ZNF385D: variants seen among roughly 807,000 people sequenced by gnomAD.
ZNF385D encodes the protein zinc finger protein 385D, also known as zinc finger protein 659.
ZNF385D carries 15 observed loss-of-function variants against 35.8 expected under a neutral mutation model. The ratio of observed to expected loss-of-function variants is 0.42; its 90% CI spans 0.28 to 0.64. The LOEUF is 0.64. Ranked by LOEUF, ZNF385D falls within the 30% of genes least tolerant of loss-of-function variation. The pLI is 0.23. For synonymous variants in ZNF385D, 212 were observed against 186.8 expected (o/e 1.13, Z -1.10); for missense variants, 474 against 494.6 (o/e 0.96, Z 0.39).
intron 4 of ZNF385D, among the ~76,000 whole-genome samples, chr3:21,508,193 A>G (rs967962095): frequency 6.6e-6 from 1 of 152,142 alleles, no homozygotes; most frequent in African/African-American, 2.4e-5. Context: ...AGGGTGCTTC[A>G]TCATCTCAAC....
intron 1 of ZNF385D, among the ~76,000 whole-genome samples, chr3:21,739,546 G>A (rs1215303112): frequency 6.6e-6 from 1 of 152,136 alleles, no homozygotes; most frequent in Non-Finnish European, 1.5e-5. Flanking sequence ...AATGTCCCAA[G>A]GTGGTAAAGT....
At chr3:22,068,462 T>C (rs926458019) in intron 3 of ZNF385D, among the ~76,000 whole-genome samples, 1 of 152,132 alleles carries the variant, frequency 6.6e-6, no homozygotes, top group Non-Finnish European at 1.5e-5. Flanking sequence ...TTCTGTCTAC[T>C]CCCCCACACC....
chr3:21,760,398 C>G (rs982423011), intron 3 of ZNF385D, among the ~76,000 whole-genome samples: 1 of 152,156 alleles, frequency 6.6e-6, no homozygotes, highest in Non-Finnish European at 1.5e-5. Context: ...TTTCTCTGTA[C>G]TGGTAATGCT....
chr3:22,182,772 T>C (rs969822357), intron 2 of ZNF385D, among the ~76,000 whole-genome samples: 4 of 152,154 alleles, frequency 2.6e-5, no homozygotes, highest in Admixed American at 6.6e-5. Flanking sequence ...AAATTACTTA[T>C]AGCAGTTATT....
intron 3 of ZNF385D, among the ~76,000 whole-genome samples, chr3:21,792,133 T>C (rs917337722): frequency 6.6e-6 from 1 of 152,238 alleles, no homozygotes; most frequent in Non-Finnish European, 1.5e-5. Context: ...CAATAAATTA[T>C]ATTGTTTTGA....
In ZNF385D at chr3:21,751,171, C is replaced by T; in HGVS notation, c.-255G>A. The T allele has an allele frequency of 7.1e-7, 1 of 1,405,030 alleles. No homozygotes were observed. Among genetic ancestry groups the T allele is most frequent in the Non-Finnish European group, 9.3e-7 (1 of 1,080,210 alleles). The allele number at this position is 1,405,030 out of a possible 1,614,324, so 87.0% of individuals were successfully genotyped here. The stretch of plus-strand genomic sequence containing the variant: ...GCCCATCCTTACTGTAATCCGACTC[C>T]TCCTTGCGATGTCCTTGCCGCGCCT... On this transcript the variant is annotated 5_prime_UTR_variant, in exon 1 of 8. Coordinates refer to ENST00000281523, the MANE Select transcript of ZNF385D (RefSeq NM_024697.3).
chr3:21,938,127 T>G (rs936747807), intron 3 of ZNF385D, among the ~76,000 whole-genome samples: 1 of 152,226 alleles, frequency 6.6e-6, no homozygotes, highest in South Asian at 2.1e-4. Context: ...ATTTCATTTT[T>G]GATGTAATTT....
chr3:21,632,074 A>G (rs1442368220), intron 2 of ZNF385D, among the ~76,000 whole-genome samples: 1 of 152,132 alleles, frequency 6.6e-6, no homozygotes, highest in South Asian at 2.1e-4. Context: ...GTCAGGCACT[A>G]TTCTAGGCAC....
intron 2 of ZNF385D, among the ~76,000 whole-genome samples, chr3:22,257,238 C>T (rs1000687872): frequency 1.3e-5 from 2 of 151,806 alleles, no homozygotes; most frequent in African/African-American, 4.8e-5. Flanking sequence ...GACTGTATCA[C>T]ACCCAAGTCT....
At position 22,098,885 on chromosome 3, in the gene ZNF385D, G is replaced by GA. The variant is rs34691774; in HGVS notation, c.325+69931dup. On this transcript the variant is annotated intron_variant, in intron 3 of 5. Coordinates refer to the ZNF385D transcript ENST00000494108. ...AATACAATTAGGCAAAAGCTCCCTG[G>GA]AAAAAAAATGGCATTATTTATCAAA... Among the ~76,000 whole-genome samples, 70 of 151,606 alleles carry GA rather than the reference G, an allele frequency of 4.6e-4. 1 individual carries two copies. The highest frequency in any genetic ancestry group is 4.2e-3 in the South Asian group (20 of 4,780).
At chr3:22,143,670 A>AGTAAT (rs1704667895) in intron 3 of ZNF385D, among the ~76,000 whole-genome samples, 1 of 152,224 alleles carries the variant, frequency 6.6e-6, no homozygotes, top group Non-Finnish European at 1.5e-5. Flanking sequence ...TGTTACCAAC[A>AGTAAT]GTAATGTAAT....
intron 3 of ZNF385D, among the ~76,000 whole-genome samples, chr3:22,118,183 G>A (rs1050866824): frequency 6.6e-6 from 1 of 152,058 alleles, no homozygotes; most frequent in South Asian, 2.1e-4. Context: ...CTATGGAATT[G>A]CTAATGTCTC....
chr3:22,297,247 A>G (rs1468415589), intron 2 of ZNF385D, among the ~76,000 whole-genome samples: 1 of 151,978 alleles, frequency 6.6e-6, no homozygotes, highest in African/African-American at 2.4e-5. Context: ...AGATCCCCCC[A>G]ATAGGACCTA....
chr3:22,322,228 G>C (rs1694471974), intron 2 of ZNF385D, among the ~76,000 whole-genome samples: 1 of 151,940 alleles, frequency 6.6e-6, no homozygotes, highest in Non-Finnish European at 1.5e-5. Context: ...CTAACATGTA[G>C]TACCTGTTGT....
chr3:21,564,969 T>TA (rs2063091426), intron 2 of ZNF385D, among the ~76,000 whole-genome samples: 1 of 152,188 alleles, frequency 6.6e-6, no homozygotes, highest in Admixed American at 6.6e-5. Flanking sequence ...TAATAACCCT[T>TA]AAATATAATT....
chr3:21,648,449 C>T (rs575073058), intron 2 of ZNF385D, among the ~76,000 whole-genome samples: 40 of 152,152 alleles, frequency 2.6e-4, no homozygotes, highest in African/African-American at 8.2e-4. Context: ...TGGCTAATAC[C>T]GGCTGTATAG....
At position 21,750,906 on chromosome 3, in the gene ZNF385D, A is replaced by G; in HGVS notation, c.11T>C (p.Ile4Thr). ...GAGTGAACACTCACCAAAATACATT[A>G]TGTTTCTCATTAATCAGACAGCTGG... The part of the protein sequence containing the change: MRN[I>T]MYFGGTCQSP... The change falls in exon 1 of 8, where the codon ATA becomes ACA. Residue 4 changes from isoleucine to threonine, a missense_variant. By Grantham distance (89) the Ile-to-Thr change is moderately conservative. Transcript: ENST00000281523. The G allele has an allele frequency of 6.2e-7, 1 of 1,614,132 alleles. No individual in the cohort carries two copies. Among genetic ancestry groups the G allele is most frequent in the Non-Finnish European group, 8.5e-7 (1 of 1,180,006 alleles).
intron 3 of ZNF385D, among the ~76,000 whole-genome samples, chr3:22,023,839 G>A (rs549248846): frequency 6.8e-4 from 104 of 152,170 alleles, no homozygotes; most frequent in Non-Finnish European, 1.2e-3. Context: ...CTGGTACAGG[G>A]CTGTAGGATG....
chr3:21,954,476 T>A (rs1471196160), intron 3 of ZNF385D, among the ~76,000 whole-genome samples: 1 of 152,062 alleles, frequency 6.6e-6, no homozygotes, highest in Non-Finnish European at 1.5e-5. Context: ...CTCCTCAACC[T>A]GGAGGTTTCT....
Sources: gnomAD v4.1 joint callset for allele counts (sites outside exome capture counted in the v4.1 genomes callset) on GRCh38, gnomAD v4.1.1 for gene constraint, MANE v1.5 for transcripts, NCBI Gene and HGNC (gene_info 2026-07-23, HGNC 2026-07-21) for gene names.